The following VASN variants were observed in gnomAD, a reference collection of about 807,000 sequenced individuals.
VASN encodes protein slit-like 2.
In VASN, 5 loss-of-function variants were observed where a neutral mutation model predicts 4.8. That is an observed-to-expected ratio of 1.03 (90% CI 0.54 to 2.17). VASN has a LOEUF of 2.17. VASN is among the 30% of genes most tolerant of loss of function. The pLI is 0.01. For synonymous variants in VASN, 499 were observed against 460.8 expected, an observed-to-expected ratio of 1.08 and a Z score of -1.06; for missense variants, 927 against 948.8, an observed-to-expected ratio of 0.98 and a Z score of 0.30.
At chr16:4,379,536 C>T (rs1167789549) in intron 1 of VASN, among the ~76,000 whole-genome samples, 1 of 152,138 alleles carries the variant, frequency 6.6e-6, no homozygotes, top group Non-Finnish European at 1.5e-5. Flanking sequence ...GCTGGCACCG[C>T]AATGGCAGCG....
chr16:4,379,449 C>T (rs1475777989), intron 1 of VASN, among the ~76,000 whole-genome samples: 2 of 151,990 alleles, frequency 1.3e-5, no homozygotes, highest in African/African-American at 4.8e-5. Context: ...TGGTGGGAGC[C>T]CCCGCCCCCA....
chr16:4,382,567 G>A lies in VASN; in HGVS notation c.1690G>A (p.Ala564Thr), dbSNP rs746313383. The A allele has an allele frequency of 1.5e-4, 238 of 1,592,394 alleles. No homozygotes were observed. Among genetic ancestry groups the A allele is most frequent in the Non-Finnish European group, 1.9e-4 (224 of 1,171,092 alleles). ...HTPPAVHSNH[A>T]PVTQAREGNL... is the part of the protein sequence containing the mutation. ...ACCCCCAGCCGTCCACTCCAACCAC[G>A]CCCCAGTCACCCAGGCCCGCGAGGG... Residue 564 changes from alanine (A) to threonine (T), a missense_variant, in exon 2 of 2, where the codon GCC (alanine) becomes ACC (threonine). Transcript: ENST00000304735.
intron 1 of VASN, among the ~76,000 whole-genome samples, chr16:4,377,137 A>G (rs1294208950): frequency 6.6e-6 from 1 of 152,096 alleles, no homozygotes; most frequent in Non-Finnish European, 1.5e-5. Context: ...GGGAGGGAGC[A>G]AGGCCGGCAG....
At position 4,382,125 on chromosome 16, in the gene VASN, T is replaced by A. The variant is rs1315054344; in HGVS notation, c.1248T>A (p.Asn416Lys). 1 of 1,588,604 alleles carries A rather than the reference T, an allele frequency of 6.3e-7. No individual in the cohort carries two copies. The highest frequency in any genetic ancestry group is 8.6e-7 in the Non-Finnish European group (1 of 1,168,036). The change falls in exon 2 of 2, where the codon AAT (asparagine) becomes AAA (lysine). Residue 416 changes from asparagine (N) to lysine (K), a missense_variant. Coordinates refer to ENST00000304735, the MANE Select transcript of VASN (RefSeq NM_138440.3). Reference protein sequence around the residue: ...PQDCPPSTCLNGGTCHLGTRH... With the variant: ...PQDCPPSTCLKGGTCHLGTRH... ...ACTGCCCACCGTCCACCTGCCTCAATGGGGGCACATGCCACCTGGGGACAC... is the reference window on the plus strand; with the variant it reads ...ACTGCCCACCGTCCACCTGCCTCAAAGGGGGCACATGCCACCTGGGGACAC...
At position 4,381,141 on chromosome 16, in the gene VASN, C is replaced by A. The variant is rs571697999; in HGVS notation, c.264C>A (p.Ile88=). Residue 88 remains isoleucine, a synonymous_variant, in exon 2 of 2, where the codon ATC becomes ATA. Transcript: ENST00000304735. ...TCCTGGACCTGTCACAGAACCAGAT[C>A]GCCAGCCTGCCCAGCGGGGTCTTCC... The part of the protein sequence containing the change: ...LQLLDLSQNQ[I]ASLPSGVFQP... 3 of 1,610,326 alleles carry A rather than the reference C, an allele frequency of 1.9e-6. No individual in the cohort carries two copies. Among genetic ancestry groups the A allele is most frequent in the Non-Finnish European group, 2.5e-6 (3 of 1,178,958 alleles).
In VASN at chr16:4,381,220, A is replaced by G. The variant is rs759124685; in HGVS notation, c.343A>G (p.Ile115Val). 2 of 1,612,262 alleles carry G rather than the reference A, an allele frequency of 1.2e-6. No homozygotes were observed. Among genetic ancestry groups the G allele is most frequent in the Admixed American group, 3.3e-5 (2 of 59,938 alleles). The change falls in exon 2 of 2, where the codon ATC becomes GTC. Residue 115 changes from isoleucine to valine, a missense_variant. By Grantham distance (29) the Ile-to-Val change is conservative. Coordinates refer to ENST00000304735, the MANE Select transcript of VASN (RefSeq NM_138440.3). ...LDLTANRLHEITNETFRGLRR... is the reference protein window; with the variant it reads ...LDLTANRLHEVTNETFRGLRR... ...CCTGACAGCCAACAGGCTGCATGAA[A>G]TCACCAATGAGACCTTCCGTGGCCT... is the stretch of plus-strand genomic sequence containing the variant.
chr16:4,375,644 G>C (rs571999327), intron 1 of VASN, among the ~76,000 whole-genome samples: 3 of 152,266 alleles, frequency 2.0e-5, no homozygotes, highest in Non-Finnish European at 2.9e-5. Flanking sequence ...CCTGCCACCA[G>C]GCCTGGCTAA....
rs2055027050 is a variant in VASN, at chr16:4,382,531, G to T, written c.1654G>T (p.Glu552Ter). ...GCCGGAGGGCGAGGAGGCCTGCGGG[G>T]AGGCCCATACACCCCCAGCCGTCCA... ...RVPEGEEACG[E>*]AHTPPAVHSN... The change falls in exon 2 of 2, where the codon GAG (glutamate) becomes TAG (stop). Residue 552 changes from glutamate (E) to a stop codon, truncating the protein, a stop_gained. Coordinates refer to ENST00000304735, the MANE Select transcript of VASN (RefSeq NM_138440.3). LOFTEE classifies it high-confidence loss of function. 3.1e-6 allele frequency: 5 copies of T among 1,593,482 alleles called. No homozygotes were observed. The highest frequency in any genetic ancestry group is 3.4e-6 in the Non-Finnish European group (4 of 1,170,828).
In VASN at chr16:4,382,006, C is replaced by A; in HGVS notation, c.1129C>A (p.Pro377Thr). The A allele has an allele frequency of 6.2e-7, 1 of 1,605,776 alleles. No homozygotes were observed. Among genetic ancestry groups the A allele is most frequent in the Non-Finnish European group, 8.5e-7 (1 of 1,177,668 alleles). The change falls in exon 2 of 2, where the codon CCT becomes ACT. Residue 377 changes from proline (P) to threonine (T), a missense_variant. Physicochemically the swap from Pro to Thr is conservative, Grantham distance 38 (BLOSUM62 -1). Coordinates refer to ENST00000304735, the MANE Select transcript of VASN (RefSeq NM_138440.3). Reference sequence around the variant, plus strand: ...CACAGCCTTGTCTTCTAGCTTGGCTCCTACCTGGCTTAGCCCCACAGAGCC... The same window carrying A: ...CACAGCCTTGTCTTCTAGCTTGGCTACTACCTGGCTTAGCCCCACAGAGCC... Reference protein sequence around the residue: ...EPTALSSSLAPTWLSPTEPAT... With the variant: ...EPTALSSSLATTWLSPTEPAT...
intron 1 of VASN, among the ~76,000 whole-genome samples, chr16:4,374,252 C>T (rs948219982): frequency 1.3e-5 from 2 of 152,128 alleles, no homozygotes; most frequent in Admixed American, 1.3e-4. Flanking sequence ...CAGCCTCCTT[C>T]CTTTTATCGG....
Position 4,380,999 on chromosome 16 carries a change from G to T in VASN, c.122G>T (p.Arg41Leu), listed in dbSNP as rs774736538. The change falls in exon 2 of 2, where the codon CGC becomes CTC. Residue 41 changes from arginine to leucine, a missense_variant. Physicochemically the swap from Arg to Leu is moderately radical, Grantham distance 102. Transcript: ENST00000304735. ...CCACAGACAGTCTTCTGCACTGCCCGCCAGGGGACCACGGTGCCCCGAGAC... is the reference window on the plus strand; with the variant it reads ...CCACAGACAGTCTTCTGCACTGCCCTCCAGGGGACCACGGTGCCCCGAGAC... The part of the protein sequence containing the change: ...SQPQTVFCTA[R>L]QGTTVPRDVP... The T allele has an allele frequency of 3.6e-5, 58 of 1,607,508 alleles. No individual in the cohort carries two copies. The highest frequency in any genetic ancestry group is 1.7e-5 in the Admixed American group (1 of 59,492).
rs201669355 is a variant in VASN at position 4,381,442 on chromosome 16, C to G, written c.565C>G (p.Leu189Val). The G allele has an allele frequency of 2.1e-4, 336 of 1,580,274 alleles. 1 individual carries two copies. Among genetic ancestry groups the G allele is most frequent in the Non-Finnish European group, 1.3e-4 (150 of 1,164,950 alleles). Residue 189 changes from leucine (L) to valine (V), a missense_variant, in exon 2 of 2, where the codon CTG becomes GTG. By Grantham distance (32) the Leu-to-Val change is conservative. Transcript: ENST00000304735. ...NSLLALEPGI[L>V]DTANVEALRL... ...CCTCCTGGCCCTGGAGCCCGGCATC[C>G]TGGACACTGCCAACGTGGAGGCGCT... is the stretch of plus-strand genomic sequence containing the variant.
Position 4,381,464 on chromosome 16 carries a change from C to A in VASN, c.587C>A (p.Ala196Glu), listed in dbSNP as rs372370728. Residue 196 changes from alanine (A) to glutamate (E), a missense_variant, in exon 2 of 2, where the codon GCG becomes GAG. Coordinates refer to ENST00000304735, the MANE Select transcript of VASN (RefSeq NM_138440.3). ...PGILDTANVE[A>E]LRLAGLGLQQ... The stretch of plus-strand genomic sequence containing the variant: ...ATCCTGGACACTGCCAACGTGGAGG[C>A]GCTGCGGCTGGCTGGTCTGGGGCTG... The A allele has an allele frequency of 1.3e-6, 2 of 1,580,420 alleles. No individual in the cohort carries two copies. Among genetic ancestry groups the A allele is most frequent in the Non-Finnish European group, 1.7e-6 (2 of 1,164,878 alleles).
intron 1 of VASN, among the ~76,000 whole-genome samples, chr16:4,374,415 G>A (rs2054645759): frequency 6.6e-6 from 1 of 152,108 alleles, no homozygotes; most frequent in African/African-American, 2.4e-5. Context: ...GGGGGCAGGC[G>A]AGGGGCCAGT....
intron 1 of VASN, among the ~76,000 whole-genome samples, chr16:4,376,880 G>A (rs1198904898): frequency 1.3e-5 from 2 of 152,204 alleles, no homozygotes; most frequent in African/African-American, 4.8e-5. Flanking sequence ...TCTGTGTAAA[G>A]CTGGCCTGAA....
rs1174682691 is a variant in VASN at position 4,382,348 on chromosome 16, C to T, written c.1471C>T (p.Leu491Phe). 2.5e-6 allele frequency: 4 copies of T among 1,611,862 alleles called. No homozygotes were observed. Among genetic ancestry groups the T allele is most frequent in the Non-Finnish European group, 3.4e-6 (4 of 1,179,586 alleles). Residue 491 changes from leucine (L) to phenylalanine (F), a missense_variant, in exon 2 of 2, where the codon CTC becomes TTC. Coordinates refer to ENST00000304735, the MANE Select transcript of VASN (RefSeq NM_138440.3). ...CTACCTCCAGGGGAGCTCCGTGCAG[C>T]TCAGGAGCCTCCGTCTCACCTATCG... Reference protein sequence around the residue: ...QRYLQGSSVQLRSLRLTYRNL... With the variant: ...QRYLQGSSVQFRSLRLTYRNL...
chr16:4,382,635 C>T lies in VASN; in HGVS notation c.1758C>T (p.Leu586=), dbSNP rs773902148. Residue 586 remains leucine (L), a synonymous_variant, in exon 2 of 2, where the codon CTC becomes CTT. Transcript: ENST00000304735. ...TTGCGCCCGCCCTGGCCGCGGTGCT[C>T]CTGGCCGCGCTGGCTGCGGTGGGGG... ...LLIAPALAAV[L]LAALAAVGAA... is the part of the protein sequence containing the mutation. The T allele has an allele frequency of 5.8e-6, 9 of 1,562,936 alleles. No individual in the cohort carries two copies. The highest frequency in any genetic ancestry group is 7.8e-6 in the Non-Finnish European group (9 of 1,155,732).
In VASN at chr16:4,381,721, G is replaced by A. The variant is rs369420509; in HGVS notation, c.844G>A (p.Asp282Asn). 8.5e-5 allele frequency: 136 copies of A among 1,606,236 alleles called. 1 individual carries two copies. Among genetic ancestry groups the A allele is most frequent in the Non-Finnish European group, 1.1e-4 (128 of 1,179,430 alleles). The change falls in exon 2 of 2, where the codon GAC (aspartate) becomes AAC (asparagine). Residue 282 changes from aspartate (D) to asparagine (N), a missense_variant. Asp to Asn is a conservative substitution (Grantham distance 23). Transcript: ENST00000304735. ...CCTAAGCCTGCAGGCCCTGCCTGGC[G>A]ACCTCTCGGGCCTCTTCCCCCGCCT... ...SNLSLQALPGDLSGLFPRLRL... is the reference protein window; with the variant it reads ...SNLSLQALPGNLSGLFPRLRL...
rs2054730209 is a variant in VASN at position 4,376,339 on chromosome 16, G to A, written c.-10+4346G>A. ...GCCTGGAGGGGTTGGCAGACTCCCG[G>A]GGCTGGGCTGCTGCCAGGCCTGACC... On this transcript the variant is annotated intron_variant, in intron 1 of 1. Transcript: ENST00000304735. 5.9e-5 allele frequency among the ~76,000 whole-genome samples: 9 copies of A among 152,216 alleles called. No individual in the cohort carries two copies. The South Asian group carries it at 1.9e-3, about 31-fold the overall frequency.
Sources: gnomAD v4.1 joint callset for allele counts (sites outside exome capture counted in the v4.1 genomes callset) on GRCh38, gnomAD v4.1.1 for gene constraint, MANE v1.5 for transcripts, NCBI Gene and HGNC (gene_info 2026-07-23, HGNC 2026-07-21) for gene names.